TTLL5: variants seen among roughly 807,000 people sequenced by gnomAD.
TTLL5 encodes the protein tubulin polyglutamylase TTLL5.
In TTLL5, 132 loss-of-function variants were observed where a neutral mutation model predicts 168.4. That is an observed-to-expected ratio of 0.78 (90% confidence interval 0.68 to 0.91). The LOEUF is 0.91. Ranked by LOEUF, TTLL5 falls within the 40% of genes least tolerant of loss-of-function variation. The pLI, the probability that TTLL5 is intolerant of heterozygous loss-of-function variation, is 0.00. For missense variants in TTLL5, 1,545 were observed against 1,581.5 expected, an observed-to-expected ratio of 0.98 and a Z score of 0.39; for synonymous variants, 546 against 558.6, an observed-to-expected ratio of 0.98 and a Z score of 0.32.
chr14:75,708,451 G>T (rs577818317), intron 9 of TTLL5, among the ~76,000 whole-genome samples: 1 of 152,082 alleles, frequency 6.6e-6, no homozygotes, highest in East Asian at 1.9e-4. Context: ...TCAGCCTCCT[G>T]AGTAGCTGGG....
rs73309495 is a variant in TTLL5, at chr14:75,718,397, G to C, written c.842+435G>C. Among the ~76,000 whole-genome samples, 8 of 152,310 alleles carry C rather than the reference G, an allele frequency of 5.3e-5. No individual in the cohort carries two copies. The East Asian group carries it at 1.5e-3, about 29-fold the overall frequency. On this transcript the variant is annotated intron_variant, in intron 10 of 31. Coordinates refer to ENST00000298832, the MANE Select transcript of TTLL5 (RefSeq NM_015072.5). ...AATAAAAGATGTACACACAGGATCA[G>C]TGATAAGAATGTTCATTACCATGTA...
At chr14:75,846,348 T>C (rs1036868165) in intron 28 of TTLL5, among the ~76,000 whole-genome samples, 2 of 152,222 alleles carry the variant, frequency 1.3e-5, no homozygotes, top group African/African-American at 2.4e-5. Flanking sequence ...TGATGAATTT[T>C]TACAATGGCC....
At chr14:75,745,638 A>G in intron 17 of TTLL5, 57 bp downstream of exon 17, 1 of 1,394,146 alleles carries the variant, frequency 7.2e-7, no homozygotes, top group Non-Finnish European at 1.0e-6. Context: ...AATTAGATTA[A>G]TTGTGATACA....
intron 3 of TTLL5, among the ~76,000 whole-genome samples, chr14:75,676,064 C>T (rs1368763558): frequency 2.0e-5 from 3 of 152,140 alleles, no homozygotes; most frequent in Non-Finnish European, 4.4e-5. Flanking sequence ...CCCATCTCAA[C>T]CAGTCAGGCA....
intron 27 of TTLL5, among the ~76,000 whole-genome samples, chr14:75,810,745 T>C (rs746146646): frequency 9.9e-5 from 15 of 152,214 alleles, no homozygotes; most frequent in Non-Finnish European, 1.8e-4. Flanking sequence ...TTAGTGAACC[T>C]GAGATTAGTT....
intron 30 of TTLL5, among the ~76,000 whole-genome samples, chr14:75,898,212 C>T (rs1554953): frequency 0.88 from 134,407 of 152,268 alleles, 59,421 homozygotes; most frequent in South Asian, 0.92. Flanking sequence ...GTAATTTCAA[C>T]AAAGTGGCTG....
chr14:75,761,834 G>A (rs773975602), intron 18 of TTLL5, among the ~76,000 whole-genome samples: 2 of 152,120 alleles, frequency 1.3e-5, no homozygotes, highest in Non-Finnish European at 1.5e-5. Flanking sequence ...GTAACTTTTA[G>A]CTTACCCAAC....
chr14:75,814,549 CCCTGCCCTTAGGT>C (rs1377923542), intron 27 of TTLL5: 1 of 152,156 alleles, frequency 6.6e-6, no homozygotes, highest in Admixed American at 6.5e-5. Context: ...GGGAGATTTT[CCCTGCCCTTAGGT>C]CTTCTCTAGG....
chr14:75,714,762 A>G (rs1010353155), intron 9 of TTLL5, among the ~76,000 whole-genome samples: 1 of 152,180 alleles, frequency 6.6e-6, no homozygotes, highest in African/African-American at 2.4e-5. Context: ...CCTGGAATCA[A>G]CCATTTCTCC....
intron 13 of TTLL5, among the ~76,000 whole-genome samples, chr14:75,733,368 G>T (rs568421899): frequency 6.6e-6 from 1 of 152,132 alleles, no homozygotes; most frequent in Non-Finnish European, 1.5e-5. Flanking sequence ...CGTCACTGCC[G>T]CAGGGAGGCC....
chr14:75,947,974 A>T (rs1210231852), intron 31 of TTLL5, among the ~76,000 whole-genome samples: 4 of 151,832 alleles, frequency 2.6e-5, no homozygotes, highest in Non-Finnish European at 1.5e-5. Flanking sequence ...TAACTACATC[A>T]TTAACAGGCT....
At chr14:75,848,624 C>T (rs112963180) in intron 28 of TTLL5, among the ~76,000 whole-genome samples, 1 of 152,180 alleles carries the variant, frequency 6.6e-6, no homozygotes, top group Non-Finnish European at 1.5e-5. Context: ...TTCACAGCTA[C>T]ATTTTTTTAG....
chr14:75,880,096 G>GT (rs2031722609), intron 29 of TTLL5, among the ~76,000 whole-genome samples: 1 of 152,088 alleles, frequency 6.6e-6, no homozygotes, highest in Non-Finnish European at 1.5e-5. Context: ...AAGGCTACCA[G>GT]TTTTTTGTGT....
chr14:75,848,040 G>T (rs1240030685), intron 28 of TTLL5, among the ~76,000 whole-genome samples: 1 of 150,300 alleles, frequency 6.7e-6, no homozygotes, highest in African/African-American at 2.5e-5. Flanking sequence ...TCTTTATAAA[G>T]AAAGAAAAAG....
chr14:75,932,813 A>C (rs8011087), intron 31 of TTLL5, among the ~76,000 whole-genome samples: 2 of 152,176 alleles, frequency 1.3e-5, no homozygotes, highest in African/African-American at 4.8e-5. Flanking sequence ...AATAGTTGCC[A>C]TGTCTTCTTC....
chr14:75,915,952 ACAC>A (rs2033600630), intron 31 of TTLL5, among the ~76,000 whole-genome samples: 1 of 152,262 alleles, frequency 6.6e-6, no homozygotes, highest in African/African-American at 2.4e-5. Context: ...ACACAGTGAA[ACAC>A]CGTCTCTACA....
intron 31 of TTLL5, chr14:75,903,967 T>C: frequency 2.3e-6 from 1 of 431,616 alleles, no homozygotes; most frequent in Non-Finnish European, 3.2e-6. Context: ...CTCATAAGGC[T>C]TATAGTAAGG....
intron 12 of TTLL5, among the ~76,000 whole-genome samples, chr14:75,728,982 A>G (rs1888361919): frequency 6.6e-6 from 1 of 152,226 alleles, no homozygotes; most frequent in African/African-American, 2.4e-5. Context: ...GTCAGTTATT[A>G]GAGAGGGAGC....
intron 15 of TTLL5, chr14:75,737,547 A>G: frequency 6.5e-7 from 1 of 1,534,202 alleles, no homozygotes; most frequent in Non-Finnish European, 8.7e-7. Context: ...GGTTTATTCC[A>G]TTTTTCTGTC....
Sources: gnomAD v4.1 joint callset for allele counts (sites outside exome capture counted in the v4.1 genomes callset) on GRCh38, gnomAD v4.1.1 for gene constraint, MANE v1.5 for transcripts, NCBI Gene and HGNC (gene_info 2026-07-23, HGNC 2026-07-21) for gene names.